JARID2: variants seen among roughly 807,000 people sequenced by gnomAD.
JARID2 encodes jumonji and AT-rich interaction domain containing 2, also known as protein Jumonji.
JARID2 carries 21 observed loss-of-function variants against 125.6 expected under a neutral mutation model. The ratio of observed to expected loss-of-function variants is 0.17; its 90% CI spans 0.12 to 0.24. The LOEUF (loss-of-function observed/expected upper bound fraction) is 0.24. Ranked by LOEUF, JARID2 falls within the 10% of genes least tolerant of loss-of-function variation. The pLI is 1.00. For synonymous variants in JARID2, 736 were observed against 661.6 expected, an observed-to-expected ratio of 1.11 and a Z score of -1.73; for missense variants, 1,303 against 1,639.6, an observed-to-expected ratio of 0.79 and a Z score of 3.55.
intron 2 of JARID2, among the ~76,000 whole-genome samples, chr6:15,384,759 A>G (rs766638355): frequency 8.5e-5 from 13 of 152,124 alleles, no homozygotes; most frequent in Non-Finnish European, 1.3e-4. Flanking sequence ...ATGTCCAGCA[A>G]ATAGACACAG....
intron 4 of JARID2, 82 bp from the exon 5 acceptor site, chr6:15,468,460 G>T: frequency 7.8e-7 from 1 of 1,282,742 alleles, no homozygotes; most frequent in African/African-American, 1.5e-5. Context: ...TTTCTCCTCG[G>T]TTTTGTTTCA....
chr6:15,469,401 T>TCTCCCCC lies in JARID2; in HGVS notation c.670+684_670+690dup, dbSNP rs1561884865. 2.3e-4 allele frequency among the ~76,000 whole-genome samples: 15 copies of TCTCCCCC among 64,622 alleles called. 1 individual carries two copies. The highest frequency in any genetic ancestry group is 4.1e-4 in the Non-Finnish European group (14 of 34,322). The allele number at this position is 64,622 out of a possible 152,430, so 42.4% of individuals were successfully genotyped here. A position where few individuals can be genotyped will look rare whatever the true frequency, so the allele number is the denominator to read the frequency against. On this transcript the variant is annotated intron_variant, in intron 5 of 17. Coordinates refer to ENST00000341776, the MANE Select transcript of JARID2 (RefSeq NM_004973.4). ...CTCTCCCCCTCTCCCCCTTTCCCCC[T>TCTCCCCC]CTCCCCCTCTCCGCTTCTCCGCTTT...
At chr6:15,451,156 GAAAC>G (rs894674449) in intron 3 of JARID2, among the ~76,000 whole-genome samples, 10 of 152,122 alleles carry the variant, frequency 6.6e-5, no homozygotes, top group Admixed American at 1.3e-4. Flanking sequence ...AACAAACAAA[GAAAC>G]AAACAAAACA....
chr6:15,441,737 T>C (rs1581569584), intron 3 of JARID2, among the ~76,000 whole-genome samples: 1 of 152,200 alleles, frequency 6.6e-6, no homozygotes, highest in African/African-American at 2.4e-5. Flanking sequence ...GGGAAGTTTC[T>C]GCAGCTATCT....
rs763626432 is a variant in JARID2, at chr6:15,246,504, A to C, written c.-36A>C. The C allele has an allele frequency of 1.9e-6, 3 of 1,594,450 alleles. No individual in the cohort carries two copies. The highest frequency in any genetic ancestry group is 1.1e-5 in the South Asian group (1 of 89,808). On this transcript the variant is annotated 5_prime_UTR_variant, in exon 1 of 18. Transcript: ENST00000341776. ...CTGACGGCTTTAAATTCATGAAGCA[A>C]TTGTCCCCTTTTGCAATCAGCATTT...
In JARID2 at chr6:15,520,689, GCACACACACA is replaced by G; in HGVS notation, c.*446_*455del. The G allele has an allele frequency of 2.6e-6, 1 of 391,840 alleles. No individual in the cohort carries two copies. Among genetic ancestry groups the G allele is most frequent in the Non-Finnish European group, 5.2e-6 (1 of 193,238 alleles). 24.3% of individuals were successfully genotyped at this position (391,840 alleles called of 1,614,324 possible). A position where few individuals can be genotyped will look rare whatever the true frequency, so the allele number is the denominator to read the frequency against. The stretch of plus-strand genomic sequence containing the variant: ...TTTAGAAGGGATAGGAGACACACGC[GCACACACACA>G]CACACACGAAACTTGAAATGGCTTT... On this transcript the variant is annotated 3_prime_UTR_variant, in exon 18 of 18. Coordinates refer to ENST00000341776, the MANE Select transcript of JARID2 (RefSeq NM_004973.4).
intron 1 of JARID2, among the ~76,000 whole-genome samples, chr6:15,261,617 G>T (rs1352941326): frequency 6.6e-6 from 1 of 152,070 alleles, no homozygotes; most frequent in African/African-American, 2.4e-5. Context: ...ACCCCGCCCG[G>T]CCTGGTGTTT....
intron 1 of JARID2, among the ~76,000 whole-genome samples, chr6:15,362,733 G>T (rs1395750544): frequency 6.6e-5 from 10 of 152,186 alleles, no homozygotes. Flanking sequence ...CAGCGTGGCT[G>T]TGTTTGTAGA....
At chr6:15,303,453 T>C (rs1761704037) in intron 1 of JARID2, among the ~76,000 whole-genome samples, 1 of 152,270 alleles carries the variant, frequency 6.6e-6, no homozygotes, top group South Asian at 2.1e-4. Context: ...TTATTGCCTC[T>C]CATGCAAAGC....
intron 6 of JARID2, among the ~76,000 whole-genome samples, chr6:15,491,233 T>A (rs1469322373): frequency 6.6e-6 from 1 of 152,234 alleles, no homozygotes; most frequent in Non-Finnish European, 1.5e-5. Context: ...GGGGTATTTG[T>A]GACTCAGTTA....
intron 5 of JARID2, among the ~76,000 whole-genome samples, chr6:15,481,411 CTT>C (rs959005595): frequency 1.4e-4 from 22 of 152,190 alleles, no homozygotes; most frequent in African/African-American, 5.3e-4. Flanking sequence ...AACTTTCTGT[CTT>C]TCTCTCTCTT....
At chr6:15,268,239 TAGA>T (rs931206956) in intron 1 of JARID2, among the ~76,000 whole-genome samples, 1 of 152,240 alleles carries the variant, frequency 6.6e-6, no homozygotes, top group African/African-American at 2.4e-5. Flanking sequence ...AAACACAGCC[TAGA>T]AGCTTATCTT....
intron 3 of JARID2, among the ~76,000 whole-genome samples, chr6:15,450,103 T>C (rs1325430778): frequency 6.6e-6 from 1 of 152,214 alleles, no homozygotes; most frequent in Non-Finnish European, 1.5e-5. Context: ...TACTATTTTA[T>C]ATAATCCACT....
chr6:15,320,240 A>G (rs1048232901), intron 1 of JARID2, among the ~76,000 whole-genome samples: 3 of 152,226 alleles, frequency 2.0e-5, no homozygotes, highest in Non-Finnish European at 4.4e-5. Context: ...GTCCTCTACA[A>G]TTCCAGTGAC....
intron 1 of JARID2, among the ~76,000 whole-genome samples, chr6:15,281,582 G>GC (rs1176887998): frequency 5.3e-5 from 8 of 152,150 alleles, no homozygotes; most frequent in African/African-American, 1.9e-4. Flanking sequence ...CGCGTGGGGG[G>GC]CCCCCCACTT....
At chr6:15,416,514 C>T (rs940402087) in intron 3 of JARID2, among the ~76,000 whole-genome samples, 3 of 152,112 alleles carry the variant, frequency 2.0e-5, no homozygotes, top group African/African-American at 4.8e-5. Flanking sequence ...AGCGAAACCC[C>T]GTCTCCACCA....
intron 5 of JARID2, among the ~76,000 whole-genome samples, chr6:15,474,195 T>C (rs1769229751): frequency 6.6e-6 from 1 of 152,232 alleles, no homozygotes; most frequent in Non-Finnish European, 1.5e-5. Context: ...AAGTTACTAT[T>C]TTCAACAGTA....
intron 2 of JARID2, among the ~76,000 whole-genome samples, chr6:15,385,404 G>A (rs536613056): frequency 6.6e-6 from 1 of 152,016 alleles, no homozygotes; most frequent in Non-Finnish European, 1.5e-5. Flanking sequence ...TGTCTGCACA[G>A]CATTTCTCAC....
intron 1 of JARID2, chr6:15,368,787 T>C (rs1282099157): frequency 4.3e-6 from 2 of 462,912 alleles, no homozygotes; most frequent in Non-Finnish European, 8.7e-6. Context: ...ATGGGATGGA[T>C]GTTTGAAGCA....
Sources: allele counts gnomAD v4.1 joint callset (sites outside exome capture counted in the v4.1 genomes callset), GRCh38; gene constraint gnomAD v4.1.1; transcripts MANE v1.5; gene names NCBI Gene and HGNC (gene_info 2026-07-23, HGNC 2026-07-21).